Variants in ANO4 observed in about 807,000 individuals in gnomAD.
ANO4 encodes anoctamin 4.
ANO4 carries 69 observed loss-of-function variants against 141.9 expected under a neutral mutation model. The observed-to-expected ratio is 0.49, with a 90% CI of 0.40 to 0.59. The LOEUF (loss-of-function observed/expected upper bound fraction) is 0.59, where lower values mean the gene tolerates loss of function less well. ANO4 is among the 20% of genes least tolerant of loss of function. ANO4 has a pLI of 0.00. For synonymous variants in ANO4, 350 were observed against 394.3 expected (o/e 0.89, Z 1.33); for missense variants, 894 against 1,162.2 (o/e 0.77, Z 3.36).
At chr12:100,772,499 T>G (rs2033342186) in intron 3 of ANO4, among the ~76,000 whole-genome samples, 1 of 152,100 alleles carries the variant, frequency 6.6e-6, no homozygotes, top group Admixed American at 6.5e-5. Context: ...CCATGTGGCA[T>G]AGTGGAGTGA....
intron 6 of ANO4, among the ~76,000 whole-genome samples, chr12:100,971,927 A>G (rs933611541): frequency 2.0e-5 from 3 of 152,132 alleles, no homozygotes; most frequent in African/African-American, 2.4e-5. Context: ...ACGAATATTG[A>G]TATTTGTTCC....
chr12:101,027,467 G>A (rs963023057), intron 9 of ANO4, among the ~76,000 whole-genome samples: 13 of 152,236 alleles, frequency 8.5e-5, no homozygotes, highest in African/African-American at 3.1e-4. Context: ...TAAGCTCTCT[G>A]TGGGGGAAAG....
intron 22 of ANO4, among the ~76,000 whole-genome samples, chr12:101,105,270 C>T (rs762554758): frequency 5.0e-4 from 76 of 152,202 alleles, no homozygotes; most frequent in Non-Finnish European, 8.5e-4. Context: ...ATCTGCCTAA[C>T]ATCACCAGGA....
At chr12:100,750,774 A>G (rs1430676984) in intron 3 of ANO4, among the ~76,000 whole-genome samples, 2 of 152,180 alleles carry the variant, frequency 1.3e-5, no homozygotes, top group Admixed American at 6.5e-5. Flanking sequence ...TTCCACAGAC[A>G]TTGTTTTGAT....
At position 100,736,046 on chromosome 12, in the gene ANO4, A is replaced by AC. The variant is rs533237908; in HGVS notation, c.106+2191dup. ...ACAGAGGTAGGAGAACCAAGCAAGC[A>AC]CCTTTCTTGGAAAGCCCAGAGAATT... On this transcript the variant is annotated intron_variant, in intron 2 of 29. Transcript: ENST00000644049. Among the ~76,000 whole-genome samples the AC allele has an allele frequency of 1.0e-3, 154 of 152,248 alleles. 1 individual carries two copies. The highest frequency in any genetic ancestry group is 3.6e-3 in the African/African-American group (150 of 41,562).
At chr12:100,796,162 T>C (rs1261931942) in intron 1 of ANO4, among the ~76,000 whole-genome samples, 1 of 152,096 alleles carries the variant, frequency 6.6e-6, no homozygotes, top group Non-Finnish European at 1.5e-5. Flanking sequence ...AGGTGGGTTA[T>C]CTTATTTGTG....
intron 14 of ANO4, among the ~76,000 whole-genome samples, chr12:101,052,941 G>T (rs1214486958): frequency 1.3e-5 from 2 of 152,180 alleles, no homozygotes; most frequent in African/African-American, 4.8e-5. Flanking sequence ...ATAAGGTGTG[G>T]AGCCTAAACT....
upstream of ANO4, among the ~76,000 whole-genome samples, chr12:100,789,946 GA>G (rs1427281903): frequency 6.6e-6 from 1 of 152,138 alleles, no homozygotes; most frequent in East Asian, 1.9e-4. Context: ...AAAAAGACGA[GA>G]AAAAACACTG....
chr12:101,121,142 T>C (rs1316679518), intron 26 of ANO4, among the ~76,000 whole-genome samples: 2 of 152,320 alleles, frequency 1.3e-5, no homozygotes, highest in East Asian at 3.9e-4. Flanking sequence ...TGCATGATGT[T>C]GAGGTTTGGG....
intron 14 of ANO4, among the ~76,000 whole-genome samples, chr12:101,063,774 T>TTTTTTTTTTTTTTTTTTTA (rs1405750957): frequency 7.1e-6 from 1 of 140,658 alleles, no homozygotes; most frequent in African/African-American, 2.7e-5. Context: ...TTTTTTTTTT[T>TTTTTTTTTTTTTTTTTTTA]TTTTGCCTTT....
At chr12:101,028,317 G>T (rs112794202) in intron 9 of ANO4, among the ~76,000 whole-genome samples, 1 of 152,244 alleles carries the variant, frequency 6.6e-6, no homozygotes, top group African/African-American at 2.4e-5. Flanking sequence ...GCATAATTGG[G>T]TGAAGGATGA....
chr12:100,850,983 G>C (rs193130891), intron 1 of ANO4, among the ~76,000 whole-genome samples: 27 of 151,964 alleles, frequency 1.8e-4, no homozygotes, highest in Admixed American at 5.2e-4. Context: ...CATATTGTGG[G>C]ATATTTGTGT....
intron 17 of ANO4, among the ~76,000 whole-genome samples, chr12:101,088,476 T>C (rs2049599445): frequency 6.6e-6 from 1 of 152,162 alleles, no homozygotes; most frequent in Non-Finnish European, 1.5e-5. Context: ...GCCATTTCTT[T>C]TGGAATGTAG....
intron 1 of ANO4, among the ~76,000 whole-genome samples, chr12:100,724,420 C>T (rs550019103): frequency 1.6e-3 from 246 of 152,314 alleles, no homozygotes; most frequent in Middle Eastern, 3.4e-3. Flanking sequence ...GTCTGGGTCT[C>T]ACTCAGGTCT....
At chr12:101,010,929 G>A (rs910381451) in intron 8 of ANO4, among the ~76,000 whole-genome samples, 1 of 152,136 alleles carries the variant, frequency 6.6e-6, no homozygotes, top group African/African-American at 2.4e-5. Context: ...ATTCAGCTGG[G>A]AAGTTCTTCC....
intron 2 of ANO4, among the ~76,000 whole-genome samples, chr12:100,735,719 G>T (rs554200276): frequency 5.5e-4 from 83 of 152,292 alleles, no homozygotes; most frequent in Non-Finnish European, 1.0e-3. Context: ...TTGCATCAGG[G>T]TGACAGAGTC....
At chr12:101,082,728 C>G (rs549890354) in intron 15 of ANO4, among the ~76,000 whole-genome samples, 34 of 152,350 alleles carry the variant, frequency 2.2e-4, no homozygotes, top group African/African-American at 7.9e-4. Flanking sequence ...AGGCTGCTGC[C>G]AAACTGGGCT....
chr12:101,009,816 T>G (rs1010045322), intron 8 of ANO4, among the ~76,000 whole-genome samples: 1 of 152,288 alleles, frequency 6.6e-6, no homozygotes, highest in African/African-American at 2.4e-5. Flanking sequence ...GATTTATTCC[T>G]TTTTTGTCTT....
intron 22 of ANO4, among the ~76,000 whole-genome samples, chr12:101,106,432 C>A (rs2050443256): frequency 6.6e-6 from 1 of 151,578 alleles, no homozygotes; most frequent in Non-Finnish European, 1.5e-5. Context: ...AAGATAATAT[C>A]TCAAAATTAT....
Sources: allele counts gnomAD v4.1 joint callset (sites outside exome capture counted in the v4.1 genomes callset), GRCh38; gene constraint gnomAD v4.1.1; transcripts MANE v1.5; gene names NCBI Gene and HGNC (gene_info 2026-07-23, HGNC 2026-07-21).